The following TANGO6 variants were observed in gnomAD, a reference collection of about 807,000 sequenced individuals.
TANGO6 encodes the protein transport and golgi organization 6 homolog.
A neutral mutation model predicts 114.2 loss-of-function variants in TANGO6; 90 were observed. The observed-to-expected ratio is 0.79, with a 90% CI of 0.66 to 0.94. The LOEUF is 0.94. Ranked by LOEUF, TANGO6 falls within the 40% of genes least tolerant of loss-of-function variation. The probability of loss-of-function intolerance (pLI) is 0.00; values close to 1 mark genes in which losing one functional copy is unlikely to be tolerated. For synonymous variants in TANGO6, 477 were observed against 509.8 expected (o/e 0.94, Z 0.87); for missense variants, 1,274 against 1,315.3 (o/e 0.97, Z 0.49).
intron 14 of TANGO6, among the ~76,000 whole-genome samples, chr16:68,941,761 C>T (rs908946136): frequency 1.1e-4 from 16 of 151,806 alleles, no homozygotes; most frequent in Middle Eastern, 3.4e-3. Flanking sequence ...AAAAAAAAGA[C>T]AACTTAGGTT....
chr16:68,876,224 C>T (rs1261653317), intron 5 of TANGO6, among the ~76,000 whole-genome samples: 11 of 151,390 alleles, frequency 7.3e-5, no homozygotes, highest in African/African-American at 1.7e-4. Context: ...TACAATGGTG[C>T]GATCTTGGCT....
At chr16:68,864,771 T>G (rs1962151471) in intron 3 of TANGO6, among the ~76,000 whole-genome samples, 1 of 152,152 alleles carries the variant, frequency 6.6e-6, no homozygotes, top group Non-Finnish European at 1.5e-5. Context: ...TGTTTGAATT[T>G]GTAAACCTTT....
At chr16:68,979,269 A>G (rs906937285) in intron 15 of TANGO6, among the ~76,000 whole-genome samples, 9 of 151,334 alleles carry the variant, frequency 5.9e-5, no homozygotes, top group African/African-American at 2.2e-4. Flanking sequence ...TTGCTCTGTT[A>G]TCCAGGCCGG....
At chr16:69,019,212 A>C (rs1597060099) in intron 15 of TANGO6, among the ~76,000 whole-genome samples, 1 of 152,200 alleles carries the variant, frequency 6.6e-6, no homozygotes, top group Non-Finnish European at 1.5e-5. Flanking sequence ...CTTGATGCAG[A>C]TGTCCTTGTG....
intron 15 of TANGO6, among the ~76,000 whole-genome samples, chr16:68,992,350 G>A (rs13330043): frequency 0.086 from 13,091 of 152,102 alleles, 649 homozygotes; most frequent in African/African-American, 0.13. Flanking sequence ...TTAGTAGCAT[G>A]GACAAGTTAT....
chr16:68,879,655 C>T (rs1410436522), intron 6 of TANGO6, among the ~76,000 whole-genome samples: 29 of 146,870 alleles, frequency 2.0e-4, no homozygotes, highest in Non-Finnish European at 3.0e-4. Context: ...CTCACTCTGT[C>T]ACCCAGGCTG....
chr16:68,974,266 G>C, intron 15 of TANGO6, 98 bp downstream of exon 15: 1 of 1,435,870 alleles, frequency 7.0e-7, no homozygotes, highest in Admixed American at 1.8e-5. Context: ...CACTAGTGTG[G>C]TGAGGGTAGT....
Position 68,961,478 on chromosome 16 carries a change from T to C in TANGO6, c.2702-12550T>C, listed in dbSNP as rs562177564. ...TTCAAATGATTGTTGGGAACATTAATGGATGAATGCATGTAAAGTGCTTAC... is the reference window on the plus strand; with the variant it reads ...TTCAAATGATTGTTGGGAACATTAACGGATGAATGCATGTAAAGTGCTTAC... On this transcript the variant is annotated intron_variant, in intron 14 of 17. Transcript: ENST00000261778. Among the ~76,000 whole-genome samples, 6 of 152,328 alleles carry C rather than the reference T, an allele frequency of 3.9e-5. No homozygotes were observed. The South Asian group carries it at 1.2e-3, about 32-fold the overall frequency.
chr16:68,858,315 C>T (rs972711312), intron 1 of TANGO6, among the ~76,000 whole-genome samples: 2 of 152,200 alleles, frequency 1.3e-5, no homozygotes, highest in Non-Finnish European at 2.9e-5. Context: ...CCTCCCACCT[C>T]AGCCTCCCAA....
chr16:68,881,513 CCAAA>C (rs141088756), intron 7 of TANGO6, among the ~76,000 whole-genome samples: 2,941 of 152,120 alleles, frequency 0.019, 89 homozygotes, highest in East Asian at 0.12. Context: ...GACTCTGTCT[CCAAA>C]CAAACAAACA....
At chr16:69,006,292 G>A (rs760541389) in intron 15 of TANGO6, among the ~76,000 whole-genome samples, 1 of 152,130 alleles carries the variant, frequency 6.6e-6, no homozygotes, top group Non-Finnish European at 1.5e-5. Context: ...GGGAGGCAGG[G>A]CTGTGTTTCT....
chr16:69,006,974 G>C (rs868649091), intron 15 of TANGO6: 1 of 152,184 alleles, frequency 6.6e-6, no homozygotes, highest in Non-Finnish European at 1.5e-5. Context: ...GGTTTACTTA[G>C]AGTTGGACAT....
At chr16:68,987,503 G>A (rs1377115635) in intron 15 of TANGO6, among the ~76,000 whole-genome samples, 1 of 152,060 alleles carries the variant, frequency 6.6e-6, no homozygotes, top group Non-Finnish European at 1.5e-5. Context: ...CGAGTGGCTG[G>A]GACTACAGGC....
At chr16:69,047,016 A>T (rs1252254718) in intron 17 of TANGO6, among the ~76,000 whole-genome samples, 1 of 150,618 alleles carries the variant, frequency 6.6e-6, no homozygotes, top group Admixed American at 6.6e-5. Flanking sequence ...CCCTGTCTTT[A>T]CTAAAAATAC....
chr16:68,974,306 T>C, intron 15 of TANGO6, 138 bp downstream of exon 15: 1 of 947,432 alleles, frequency 1.1e-6, no homozygotes. Context: ...CATTTAGGAA[T>C]TTAGGAAATA....
chr16:68,926,607 A>T (rs2152195427), intron 12 of TANGO6, among the ~76,000 whole-genome samples: 1 of 151,336 alleles, frequency 6.6e-6, no homozygotes, highest in African/African-American at 2.4e-5. Flanking sequence ...AGCTCACTGC[A>T]ACCTCTGCCT....
At chr16:68,965,290 G>A (rs567431097) in intron 14 of TANGO6, among the ~76,000 whole-genome samples, 3 of 152,102 alleles carry the variant, frequency 2.0e-5, no homozygotes, top group Non-Finnish European at 2.9e-5. Context: ...CTCCTGAGTA[G>A]CTGGGATTAC....
intron 4 of TANGO6, among the ~76,000 whole-genome samples, chr16:68,872,685 A>G (rs1437812363): frequency 3.7e-5 from 5 of 134,466 alleles, no homozygotes; most frequent in Non-Finnish European, 7.9e-5. Flanking sequence ...TTTTTTTTAG[A>G]TGTTATTCAC....
intron 15 of TANGO6, among the ~76,000 whole-genome samples, chr16:68,986,317 G>A (rs1188767615): frequency 2.0e-5 from 3 of 152,126 alleles, no homozygotes; most frequent in Non-Finnish European, 2.9e-5. Flanking sequence ...CTCTTCTGTC[G>A]TATGCCACGG....
Sources: allele counts gnomAD v4.1 joint callset (sites outside exome capture counted in the v4.1 genomes callset), GRCh38; gene constraint gnomAD v4.1.1; transcripts MANE v1.5; gene names NCBI Gene and HGNC (gene_info 2026-07-23, HGNC 2026-07-21).